Variants in F5 observed in about 807,000 individuals in gnomAD.
F5 encodes the protein coagulation factor V.
F5 carries 138 observed loss-of-function variants against 216.4 expected under a neutral mutation model. That is an observed-to-expected ratio of 0.64 (90% CI 0.56 to 0.73). The LOEUF (loss-of-function observed/expected upper bound fraction) is 0.73. Among genes scored for constraint, F5 ranks in the 30% least tolerant of loss-of-function variants. The probability of loss-of-function intolerance (pLI) is 0.00; values close to 1 mark genes in which losing one functional copy is unlikely to be tolerated. For synonymous variants in F5, 916 were observed against 930.7 expected (o/e 0.98, Z 0.29); for missense variants, 2,403 against 2,674.0 (o/e 0.90, Z 2.24).
At position 169,579,840 on chromosome 1, in the gene F5, T is replaced by C. The variant is rs113117248; in HGVS notation, c.250+2591A>G. Among the ~76,000 whole-genome samples, 109 of 152,324 alleles carry C rather than the reference T, an allele frequency of 7.2e-4. 1 individual carries two copies. The highest frequency in any genetic ancestry group is 2.4e-3 in the African/African-American group (99 of 41,560). The stretch of plus-strand genomic sequence containing the variant: ...GGACTGGTCTTTCTCCAATCTATTC[T>C]CTATAATTGGACAACATAATCTTTC... On this transcript the variant is annotated intron_variant, in intron 2 of 24. Coordinates refer to ENST00000367797, the MANE Select transcript of F5 (RefSeq NM_000130.5).
chr1:169,541,654 G>A lies in F5; in HGVS notation c.3436C>T (p.His1146Tyr), dbSNP rs763854146. ...CTGAGCTCTGGAGAAGAGGATCTGT[G>A]ACTGGGGTCTGAAGTAGAGTGCATT... ...DQMHSTSDPSHRSSSPELSEM... is the reference protein window; with the variant it reads ...DQMHSTSDPSYRSSSPELSEM... Residue 1146 changes from histidine to tyrosine, a missense_variant, in exon 13 of 25, where the codon CAC becomes TAC. Coordinates refer to ENST00000367797, the MANE Select transcript of F5 (RefSeq NM_000130.5). 39 of 1,614,136 alleles carry A rather than the reference G, an allele frequency of 2.4e-5. No homozygotes were observed. The highest frequency in any genetic ancestry group is 3.2e-5 in the Non-Finnish European group (38 of 1,179,994).
intron 2 of F5, among the ~76,000 whole-genome samples, chr1:169,580,373 G>T (rs952991189): frequency 2.5e-4 from 38 of 149,134 alleles, no homozygotes; most frequent in East Asian, 1.2e-3. Flanking sequence ...ATACTTTTTT[G>T]TTGTTGTTGT....
intron 17 of F5, among the ~76,000 whole-genome samples, chr1:169,526,566 C>T (rs1295702697): frequency 5.3e-5 from 8 of 152,124 alleles, no homozygotes; most frequent in Non-Finnish European, 1.0e-4. Context: ...TTTAACATTA[C>T]CCCCTGGCAG....
chr1:169,516,629 T>C (rs990038009), intron 23 of F5, among the ~76,000 whole-genome samples: 2 of 152,224 alleles, frequency 1.3e-5, no homozygotes, highest in African/African-American at 4.8e-5. Flanking sequence ...TGTGTCTTCA[T>C]ATCAAGGTTG....
At position 169,542,378 on chromosome 1, in the gene F5, C is replaced by T. The variant is rs146379062; in HGVS notation, c.2712G>A (p.Met904Ile). The T allele has an allele frequency of 6.2e-7, 1 of 1,614,040 alleles. No homozygotes were observed. Among genetic ancestry groups the T allele is most frequent in the South Asian group, 1.1e-5 (1 of 91,072 alleles). ...GGCTAGGAAGGTCCTCCCAGGGCCT[C>T]ATTCCGGAAGGAGAACCAGTGTCTT... is the stretch of plus-strand genomic sequence containing the variant. Reference protein sequence around the residue: ...LSQDTGSPSGMRPWEDLPSQD... With the variant: ...LSQDTGSPSGIRPWEDLPSQD... Residue 904 changes from methionine to isoleucine, a missense_variant, in exon 13 of 25, where the codon ATG (methionine) becomes ATA (isoleucine). Met to Ile is a conservative substitution (Grantham distance 10, BLOSUM62 1). Around this residue, in one of 4 missense-constraint regions of F5, gnomAD observed 1,425 missense variants for 1,554.8 expected, o/e 0.92. Coordinates refer to ENST00000367797, the MANE Select transcript of F5 (RefSeq NM_000130.5).
chr1:169,525,265 G>C (rs968601513), intron 18 of F5, among the ~76,000 whole-genome samples: 15 of 152,256 alleles, frequency 9.9e-5, no homozygotes, highest in African/African-American at 3.4e-4. Context: ...GGGAGGCCGA[G>C]GGGGGAGGAT....
intron 3 of F5, among the ~76,000 whole-genome samples, chr1:169,566,315 G>T (rs986417768): frequency 2.0e-5 from 3 of 152,062 alleles, no homozygotes; most frequent in African/African-American, 7.2e-5. Flanking sequence ...TCTTTCCACT[G>T]CCTTCACAAG....
In F5 at chr1:169,518,510, T is replaced by C; in HGVS notation, c.6247A>G (p.Thr2083Ala). ...CAAGATTTCTTAAACGAAGAAGCTG[T>C]GATTTGCTTGTTTTCTATCTTTCCA... ...ENGKIENKQI[T>A]ASSFKKSWWG... Residue 2083 changes from threonine (T) to alanine (A), a missense_variant, in exon 23 of 25, where the codon ACA (threonine) becomes GCA (alanine). Physicochemically the swap from Thr to Ala is moderately conservative, Grantham distance 58. This residue lies in a region of F5 where 659 missense variants were observed against 787.9 expected (regional missense o/e 0.84). Transcript: ENST00000367797. 6.2e-7 allele frequency: 1 copy of C among 1,613,918 alleles called. No homozygotes were observed. Among genetic ancestry groups the C allele is most frequent in the Non-Finnish European group, 8.5e-7 (1 of 1,179,892 alleles).
chr1:169,520,321 T>C (rs1226293240), intron 22 of F5, among the ~76,000 whole-genome samples, 199 bp downstream of exon 22: 1 of 152,218 alleles, frequency 6.6e-6, no homozygotes, highest in African/African-American at 2.4e-5. Context: ...ACAGAGATGC[T>C]GTCGGCACTC....
In F5 at chr1:169,529,357, T is replaced by G. The variant is rs140267827; in HGVS notation, c.5419+251A>C. ...CTGAAGCACACTGGCTTTTTGTTGT[T>G]GTGGTTTTCTGTTGGTTTGTTTTGC... On this transcript the variant is annotated intron_variant, in intron 16 of 24. Coordinates refer to ENST00000367797, the MANE Select transcript of F5 (RefSeq NM_000130.5). Among the ~76,000 whole-genome samples, 12 of 152,336 alleles carry G rather than the reference T, an allele frequency of 7.9e-5. No homozygotes were observed. The East Asian group carries it at 9.6e-4, about 12-fold the overall frequency.
chr1:169,572,226 G>A lies in F5; in HGVS notation c.368C>T (p.Ser123Leu). The change falls in exon 3 of 25, where the codon TCA becomes TTA. Residue 123 changes from serine (S) to leucine (L), a missense_variant. Ser to Leu is a moderately radical substitution (Grantham distance 145). This residue lies in a region of F5 where 1,425 missense variants were observed against 1,554.8 expected (regional missense o/e 0.92). Transcript: ENST00000367797. ...HPQGIRYSKL[S>L]EGASYLDHTF... Reference sequence around the variant, plus strand: ...AAATATTAGATTTATCTTACCTTCTGATAATTTACTGTACCTAATTCCTTG... The same window carrying A: ...AAATATTAGATTTATCTTACCTTCTAATAATTTACTGTACCTAATTCCTTG... 6.2e-7 allele frequency: 1 copy of A among 1,612,240 alleles called. No homozygotes were observed. The highest frequency in any genetic ancestry group is 8.5e-7 in the Non-Finnish European group (1 of 1,179,152).
chr1:169,548,117 A>G (rs138132581), intron 10 of F5, among the ~76,000 whole-genome samples: 2 of 152,346 alleles, frequency 1.3e-5, no homozygotes, highest in African/African-American at 4.8e-5. Flanking sequence ...GCATGTTTTC[A>G]CTTACAAGTG....
At chr1:169,515,377 A>G in intron 24 of F5, 67 bp downstream of exon 24, 2 of 1,582,122 alleles carry the variant, frequency 1.3e-6, no homozygotes, top group East Asian at 4.5e-5. Context: ...GTCAAATGCA[A>G]AATACTGTTA....
chr1:169,518,282 A>G, intron 23 of F5, 130 bp downstream of exon 23: 1 of 1,091,544 alleles, frequency 9.2e-7, no homozygotes, highest in Non-Finnish European at 1.4e-6. Flanking sequence ...GGACTCTTGG[A>G]CCTAGGATTT....
chr1:169,514,726 A>G (rs1659120049), intron 24 of F5, among the ~76,000 whole-genome samples: 1 of 152,128 alleles, frequency 6.6e-6, no homozygotes, highest in African/African-American at 2.4e-5. Context: ...AAGAACACAT[A>G]GAACACTCTC....
At chr1:169,527,350 T>C (rs1408611678) in intron 17 of F5, among the ~76,000 whole-genome samples, 1 of 152,236 alleles carries the variant, frequency 6.6e-6, no homozygotes, top group Admixed American at 6.5e-5. Context: ...TGTATAATTG[T>C]AGACTGTTTA....
intron 5 of F5, 73 bp from the exon 6 acceptor site, chr1:169,556,940 C>A: frequency 7.5e-7 from 1 of 1,335,002 alleles, no homozygotes; most frequent in Non-Finnish European, 1.1e-6. Context: ...ATTCACTCAC[C>A]AAGTGTATTG....
chr1:169,537,505 C>G (rs530652612), intron 13 of F5, among the ~76,000 whole-genome samples: 1 of 152,120 alleles, frequency 6.6e-6, no homozygotes, highest in East Asian at 1.9e-4. Flanking sequence ...CCATCAAACT[C>G]AAAAGTTTAT....
chr1:169,545,095 G>A (rs1659967224), intron 11 of F5, among the ~76,000 whole-genome samples: 1 of 152,182 alleles, frequency 6.6e-6, no homozygotes. Flanking sequence ...ATTTCTACAA[G>A]GGCAGGGCTC....
Sources: allele counts gnomAD v4.1 joint callset (sites outside exome capture counted in the v4.1 genomes callset), GRCh38; gene constraint gnomAD v4.1.1; regional missense constraint gnomAD v4.1.1; transcripts MANE v1.5; gene names NCBI Gene and HGNC (gene_info 2026-07-23, HGNC 2026-07-21).